The following DPH6 variants were observed in gnomAD, a reference collection of about 807,000 sequenced individuals.
DPH6 encodes diphthamine biosynthesis 6, also known as diphthine--ammonia ligase.
A neutral mutation model predicts 38.2 loss-of-function variants in DPH6; 33 were observed. The ratio of observed to expected loss-of-function variants is 0.86; its 90% confidence interval spans 0.65 to 1.15. The LOEUF is 1.15. Among genes scored for constraint, DPH6 ranks in the 50% most tolerant of loss-of-function variants. DPH6 has a pLI of 0.00. For synonymous variants in DPH6, 108 were observed against 103.0 expected (o/e 1.05, Z -0.30); for missense variants, 325 against 320.0 (o/e 1.02, Z -0.12).
chr15:35,433,911 TAATATATGTGTCTGTGGAAGAGAA>T (rs2053662686), intron 5 of DPH6, among the ~76,000 whole-genome samples: 1 of 152,146 alleles, frequency 6.6e-6, no homozygotes, highest in South Asian at 2.1e-4. Flanking sequence ...TTTGGGCCCT[TAATATATGTGTCTGTGGAAGAGAA>T]AAGAGAAGGG....
chr15:35,468,213 T>C (rs1041517064), intron 3 of DPH6, among the ~76,000 whole-genome samples: 5 of 152,312 alleles, frequency 3.3e-5, no homozygotes, highest in South Asian at 2.1e-4. Context: ...CATTTTATCA[T>C]GGTAACGATC....
At chr15:35,249,769 G>A (rs2051659053) in intron 3 of DPH6, among the ~76,000 whole-genome samples, 2 of 152,136 alleles carry the variant, frequency 1.3e-5, no homozygotes, top group Non-Finnish European at 2.9e-5. Context: ...TGTGTGATAT[G>A]TTAGAGAATG....
chr15:35,330,011 A>G (rs1472548941), downstream of DPH6, among the ~76,000 whole-genome samples: 1 of 152,200 alleles, frequency 6.6e-6, no homozygotes, highest in Non-Finnish European at 1.5e-5. Flanking sequence ...AACAAATACT[A>G]GAGAATTTTT....
At chr15:35,235,790 C>CT (rs2051547154) in intron 3 of DPH6, among the ~76,000 whole-genome samples, 1 of 152,204 alleles carries the variant, frequency 6.6e-6, no homozygotes, top group Non-Finnish European at 1.5e-5. Flanking sequence ...ATTATTCTTT[C>CT]TCACAGTGTG....
At position 35,232,600 on chromosome 15, in the gene DPH6, A is replaced by AAAAC. The variant is rs548765019; in HGVS notation, n.201-12022_201-12019dup. Among the ~76,000 whole-genome samples the AAAAC allele has an allele frequency of 1.5e-4, 23 of 152,132 alleles. No homozygotes were observed. In the East Asian group the frequency reaches 2.7e-3, roughly 18 times the overall value. On this transcript the variant is annotated intron_variant and non_coding_transcript_variant, in intron 3 of 3. Coordinates refer to the DPH6 transcript ENST00000560386. Reference sequence around the variant, plus strand: ...CGTGTCAAAAACAAAAACAAAAACAAAAACAAACAAACAAACAACAACAAT... The same window carrying AAAAC: ...CGTGTCAAAAACAAAAACAAAAACAAAAACAAACAAACAAACAAACAACAACAAT...
chr15:35,273,475 T>A (rs1275854898), intron 3 of DPH6, among the ~76,000 whole-genome samples: 2 of 152,234 alleles, frequency 1.3e-5, no homozygotes, highest in African/African-American at 2.4e-5. Context: ...GCGGACTACA[T>A]GGTTGTATAT....
chr15:35,283,526 G>A lies in DPH6; in HGVS notation n.201-62944C>T, dbSNP rs1020155178. The stretch of plus-strand genomic sequence containing the variant: ...TTGGCCAGGCTGGTCTCAAACTCCC[G>A]TCCTCATGATCCGCCGCTTTGGCCT... On this transcript the variant is annotated intron_variant and non_coding_transcript_variant, in intron 3 of 3. Coordinates refer to the DPH6 transcript ENST00000560386. Among the ~76,000 whole-genome samples the A allele has an allele frequency of 7.9e-5, 12 of 151,804 alleles. No homozygotes were observed. In the East Asian group the frequency reaches 1.2e-3, roughly 15 times the overall value.
the DPH6 span, among the ~76,000 whole-genome samples, chr15:35,201,563 C>G: frequency 1.8e-4 from 28 of 151,808 alleles, no homozygotes; most frequent in African/African-American, 6.8e-4. Flanking sequence ...TAATTGCTAT[C>G]TTTACAATAT....
intron 6 of DPH6, among the ~76,000 whole-genome samples, chr15:35,409,705 A>G (rs549636286): frequency 5.9e-5 from 9 of 152,086 alleles, no homozygotes; most frequent in African/African-American, 2.2e-4. Flanking sequence ...TGTAAACATG[A>G]TATAATGGAG....
At chr15:35,298,944 C>T in intron 3 of DPH6, 1 of 788,556 alleles carries the variant, frequency 1.3e-6, no homozygotes. Flanking sequence ...TCCGCCCATA[C>T]TTGTTTTCCT....
intron 3 of DPH6, among the ~76,000 whole-genome samples, chr15:35,297,017 C>T (rs1194566036): frequency 6.6e-6 from 1 of 152,156 alleles, no homozygotes; most frequent in East Asian, 1.9e-4. Flanking sequence ...ATATGCTGCA[C>T]CTTCCCTAGG....
At chr15:35,457,166 G>A (rs2141095832) in intron 3 of DPH6, among the ~76,000 whole-genome samples, 1 of 151,872 alleles carries the variant, frequency 6.6e-6, no homozygotes, top group South Asian at 2.1e-4. Flanking sequence ...TGTTGCCCAG[G>A]CTGGTCTCGA....
At chr15:35,180,717 G>C in the DPH6 span, among the ~76,000 whole-genome samples, 77 of 152,038 alleles carry the variant, frequency 5.1e-4, no homozygotes, top group African/African-American at 1.8e-3. Context: ...TGAACTCCTG[G>C]ACTCAAGAGA....
In DPH6 at chr15:35,360,088, T is replaced by C. The variant is rs143215478; in HGVS notation, n.207+13433A>G. Among the ~76,000 whole-genome samples, 644 of 152,356 alleles carry C rather than the reference T, an allele frequency of 4.2e-3. 2 individuals carry two copies. Among genetic ancestry groups the C allele is most frequent in the African/African-American group, 0.015 (625 of 41,588 alleles). On this transcript the variant is annotated intron_variant and non_coding_transcript_variant, in intron 3 of 3. Transcript: ENST00000558973. Reference sequence around the variant, plus strand: ...TGTTTGCTTGATTTTTTGCACCATTTAGCCTTGCATTGTTGTTCTATGCAT... The same window carrying C: ...TGTTTGCTTGATTTTTTGCACCATTCAGCCTTGCATTGTTGTTCTATGCAT...
intron 3 of DPH6, chr15:35,298,977 T>C: frequency 1.3e-6 from 1 of 763,132 alleles, no homozygotes; most frequent in Non-Finnish European, 2.4e-6. Flanking sequence ...CTAATCTTCA[T>C]CTTCATCAGA....
At chr15:35,161,439 AC>A in the DPH6 span, among the ~76,000 whole-genome samples, 1 of 151,978 alleles carries the variant, frequency 6.6e-6, no homozygotes, top group Non-Finnish European at 1.5e-5. Context: ...TACTTGAGTG[AC>A]TGATAAACAA....
At chr15:35,537,764 G>A (rs2055191811) in intron 3 of DPH6, among the ~76,000 whole-genome samples, 1 of 152,006 alleles carries the variant, frequency 6.6e-6, no homozygotes, top group Admixed American at 6.6e-5. Context: ...GCTATGCCCT[G>A]CCATCATGTG....
chr15:35,248,506 A>G (rs995039900), intron 3 of DPH6, among the ~76,000 whole-genome samples: 7 of 152,116 alleles, frequency 4.6e-5, no homozygotes, highest in Non-Finnish European at 8.8e-5. Context: ...ACCTCAGTCT[A>G]TTACTATTAG....
intron 3 of DPH6, among the ~76,000 whole-genome samples, chr15:35,236,526 C>G (rs1263021017): frequency 2.6e-5 from 4 of 152,018 alleles, no homozygotes; most frequent in African/African-American, 9.6e-5. Context: ...GTAGTCCCAG[C>G]TACTCGGGAG....
Sources: allele counts gnomAD v4.1 joint callset (sites outside exome capture counted in the v4.1 genomes callset), GRCh38; gene constraint gnomAD v4.1.1; transcripts MANE v1.5; gene names NCBI Gene and HGNC (gene_info 2026-07-23, HGNC 2026-07-21).